TTN: variants seen among roughly 807,000 people sequenced by gnomAD.
The protein encoded by TTN is titin.
In TTN, 1,525 loss-of-function variants were observed where a neutral mutation model predicts 3,223.0. The ratio of observed to expected loss-of-function variants is 0.47; its 90% CI spans 0.45 to 0.49. TTN has a LOEUF of 0.49. TTN is among the 20% of genes least tolerant of loss of function. The pLI is 0.00. For synonymous variants in TTN, 14,094 were observed against 15,161.0 expected, an observed-to-expected ratio of 0.93 and a Z score of 5.17; for missense variants, 40,786 against 43,424.0, an observed-to-expected ratio of 0.94 and a Z score of 5.40.
chr2:178,744,236 A>T (rs1274052171), intron 47 of TTN, among the ~76,000 whole-genome samples: 1 of 151,934 alleles, frequency 6.6e-6, no homozygotes, highest in Non-Finnish European at 1.5e-5. Flanking sequence ...TAAGAGGTGG[A>T]GGGAGATAAA....
At chr2:178,701,730 G>A in intron 109 of TTN, 143 bp from the exon 110 acceptor site, 4 of 840,742 alleles carry the variant, frequency 4.8e-6, no homozygotes, top group South Asian at 2.0e-5. Flanking sequence ...AATAATATTA[G>A]TATTCTTTTG....
chr2:178,664,012 T>TA lies in TTN; in HGVS notation c.36364+2dup. 1 of 1,613,292 alleles carries TA rather than the reference T, an allele frequency of 6.2e-7. No individual in the cohort carries two copies. Among genetic ancestry groups the TA allele is most frequent in the East Asian group, 2.2e-5 (1 of 44,874 alleles). On this transcript the variant is annotated splice_region_variant and intron_variant, in intron 169 of 362. Coordinates refer to ENST00000589042, the MANE Select transcript of TTN (RefSeq NM_001267550.2). ...TCTGAAGCCTAAAGTCAGTGACAAATACCTTTAACAGGTGGGACTTCAGGC... is the reference window on the plus strand; with the variant it reads ...TCTGAAGCCTAAAGTCAGTGACAAATAACCTTTAACAGGTGGGACTTCAGGC...
Position 178,758,929 on chromosome 2 carries a change from A to G in TTN, c.10303+55T>C, listed in dbSNP as rs901675363. ...GAACTCTTGAGTAATTGTTACAGAC[A>G]TTGTTAAGATTCGATCTATATTTAA... is the stretch of plus-strand genomic sequence containing the variant. On this transcript the variant is annotated intron_variant, in intron 44 of 362. Transcript: ENST00000589042. 2.0e-6 allele frequency: 3 copies of G among 1,507,248 alleles called. No homozygotes were observed. The African/African-American group carries it at 4.1e-5, about 21-fold the overall frequency. The allele number at this position is 1,507,248 out of a possible 1,614,324, so 93.4% of individuals were successfully genotyped here.
At position 178,583,830 on chromosome 2, in the gene TTN, A is replaced by G; in HGVS notation, c.65352T>C (p.Asp21784=). 1.9e-6 allele frequency: 3 copies of G among 1,609,882 alleles called. No individual in the cohort carries two copies. The highest frequency in any genetic ancestry group is 4.5e-5 in the East Asian group (2 of 44,484). The change falls in exon 312 of 363, where the codon GAT becomes GAC. Residue 21784 remains aspartate, a synonymous_variant. Transcript: ENST00000589042. ...VSLIWARPKH[D]GGSKIIGYFV... is the part of the protein sequence containing the mutation. ...AATAGCCAATAATTTTACTGCCTCCATCATGCTTTGGACGAGCCCAGATCA... is the reference window on the plus strand; with the variant it reads ...AATAGCCAATAATTTTACTGCCTCCGTCATGCTTTGGACGAGCCCAGATCA...
rs794729273 is a variant in TTN, at chr2:178,607,247, C to T, written c.53355G>A (p.Trp17785Ter). ...TTCCTCCATCATCTTCTGGATCAGA[C>T]CAGTTAAGTAGACACATTTTTCTGT... ...VTNRKMCLLN[W>*]SDPEDDGGSE... The change falls in exon 278 of 363, where the codon TGG becomes TGA. Residue 17785 changes from tryptophan to a stop codon, truncating the protein, a stop_gained. Coordinates refer to ENST00000589042, the MANE Select transcript of TTN (RefSeq NM_001267550.2). LOFTEE classifies it high-confidence loss of function. The T allele has an allele frequency of 2.5e-6, 4 of 1,612,896 alleles. No homozygotes were observed. Among genetic ancestry groups the T allele is most frequent in the Middle Eastern group, 1.7e-4 (1 of 6,052 alleles).
At chr2:178,586,961 C>T in intron 307 of TTN, 154 bp from the exon 308 acceptor site, 1 of 1,360,868 alleles carries the variant, frequency 7.3e-7, no homozygotes, top group South Asian at 1.3e-5. Flanking sequence ...TGAGACAGAT[C>T]AAAAAAGTGT....
chr2:178,751,912 G>A (rs2085641147), intron 47 of TTN: 3 of 1,592,422 alleles, frequency 1.9e-6, no homozygotes, highest in Non-Finnish European at 2.6e-6. Flanking sequence ...CAGGCCAGGA[G>A]CTTGTAGATG....
At position 178,563,364 on chromosome 2, in the gene TTN, C is replaced by G; in HGVS notation, c.82768G>C (p.Ala27590Pro). Reference sequence around the variant, plus strand: ...CCATCATAAATTGGCTTACTCCATGCCAGGGAGACAGAAGATCTGGAAGTG... The same window carrying G: ...CCATCATAAATTGGCTTACTCCATGGCAGGGAGACAGAAGATCTGGAAGTG... ...TDTSRSSVSL[A>P]WSKPIYDGGA... is the part of the protein sequence containing the mutation. Residue 27590 changes from alanine to proline, a missense_variant, in exon 326 of 363, where the codon GCA becomes CCA. Physicochemically the swap from Ala to Pro is conservative, Grantham distance 27 (BLOSUM62 -1). Transcript: ENST00000589042. This position sits in a 1 kb window ranked among gnomAD's most constrained non-coding sequence, Gnocchi z 4.5. 6.2e-7 allele frequency: 1 copy of G among 1,613,554 alleles called. No individual in the cohort carries two copies. The highest frequency in any genetic ancestry group is 8.5e-7 in the Non-Finnish European group (1 of 1,179,708).
chr2:178,542,275 C>T lies in TTN; in HGVS notation c.97481G>A (p.Arg32494His), dbSNP rs371645048. ...GCCTGTGGACTTACGGATGCTGCTGCGACACTCTATGACCTCAGACTGCAA... is the reference window on the plus strand; with the variant it reads ...GCCTGTGGACTTACGGATGCTGCTGTGACACTCTATGACCTCAGACTGCAA... ...SYLQSEVIEC[R>H]SSIRIPGPPE... Residue 32494 changes from arginine (R) to histidine (H), a missense_variant, in exon 349 of 363, where the codon CGC (arginine) becomes CAC (histidine). Physicochemically the swap from Arg to His is conservative, Grantham distance 29. Coordinates refer to ENST00000589042, the MANE Select transcript of TTN (RefSeq NM_001267550.2). 141 of 1,606,606 alleles carry T rather than the reference C, an allele frequency of 8.8e-5. No homozygotes were observed. Among genetic ancestry groups the T allele is most frequent in the Middle Eastern group, 8.3e-4 (5 of 6,050 alleles).
intron 61 of TTN, 35 bp from the exon 62 acceptor site, chr2:178,730,406 G>C: frequency 1.9e-6 from 3 of 1,552,352 alleles, no homozygotes; most frequent in Non-Finnish European, 2.6e-6. Flanking sequence ...AAAGAAAATA[G>C]GAAGTTTTAT....
chr2:178,614,441 C>G, intron 261 of TTN, 25 bp downstream of exon 261: 1 of 1,583,428 alleles, frequency 6.3e-7, no homozygotes, highest in Non-Finnish European at 8.6e-7. Context: ...AGTTTATCCC[C>G]TTTTAAAATG....
intron 47 of TTN, 23 bp from the exon 48 acceptor site, chr2:178,741,944 T>G (rs906202968): frequency 7.3e-7 from 1 of 1,376,418 alleles, no homozygotes; most frequent in Non-Finnish European, 9.4e-7. Context: ...AAATGATTAT[T>G]ATTTTACTAT....
At chr2:178,528,108 G>A in intron 361 of TTN, 166 bp downstream of exon 361, 1 of 761,148 alleles carries the variant, frequency 1.3e-6, no homozygotes, top group East Asian at 2.8e-5. Flanking sequence ...TTTCTGTGTA[G>A]CTATAAAGAA....
rs1366758153 is a variant in TTN, at chr2:178,655,307, A to G, written c.38039-312T>C. Reference sequence around the variant, plus strand: ...CTCAAAATAATAAGAGCTATTTATGACAAACCCACAGCCAGTATCATACTG... The same window carrying G: ...CTCAAAATAATAAGAGCTATTTATGGCAAACCCACAGCCAGTATCATACTG... On this transcript the variant is annotated intron_variant, in intron 189 of 362. Transcript: ENST00000589042. Among the ~76,000 whole-genome samples, 2 of 136,136 alleles carry G rather than the reference A, an allele frequency of 1.5e-5. 1 individual carries two copies. The highest frequency in any genetic ancestry group is 3.0e-5 in the Non-Finnish European group (2 of 66,246). The allele number at this position is 136,136 out of a possible 152,430, so 89.3% of individuals were successfully genotyped here.
At position 178,548,694 on chromosome 2, in the gene TTN, A is replaced by G; in HGVS notation, c.92932T>C (p.Phe30978Leu). 1 of 1,613,894 alleles carries G rather than the reference A, an allele frequency of 6.2e-7. No homozygotes were observed. Among genetic ancestry groups the G allele is most frequent in the Non-Finnish European group, 8.5e-7 (1 of 1,179,802 alleles). ...LRADIHTTDSFSTLTVENCNR... is the reference protein window; with the variant it reads ...LRADIHTTDSLSTLTVENCNR... ...CAGTTTTCCACAGTGAGGGTGCTGA[A>G]GGAATCTGTTGTATGGATATCAGCC... Residue 30978 changes from phenylalanine to leucine, a missense_variant, in exon 339 of 363, where the codon TTC (phenylalanine) becomes CTC (leucine). Phe to Leu is a conservative substitution (Grantham distance 22, BLOSUM62 0). Coordinates refer to ENST00000589042, the MANE Select transcript of TTN (RefSeq NM_001267550.2). The surrounding 1 kb of genome is among the most constrained non-coding windows in gnomAD (Gnocchi z 4.3).
chr2:178,672,662 G>C lies in TTN; in HGVS notation c.34828C>G (p.Gln11610Glu). ...TTGGCTGGGGGTGCCTCTTTTTTCT[G>C]AACAGGAACAGGTACTTTTTCCTCA... Reference protein sequence around the residue: ...IPEEKVPVPVQKKEAPPAKVP... With the variant: ...IPEEKVPVPVEKKEAPPAKVP... Residue 11610 changes from glutamine (Q) to glutamate (E), a missense_variant, in exon 153 of 363, where the codon CAG becomes GAG. Physicochemically the swap from Gln to Glu is conservative, Grantham distance 29 (BLOSUM62 2). Transcript: ENST00000589042. 6.2e-7 allele frequency: 1 copy of C among 1,609,944 alleles called. No homozygotes were observed. Among genetic ancestry groups the C allele is most frequent in the Non-Finnish European group, 8.5e-7 (1 of 1,177,610 alleles).
At chr2:178,693,802 G>T in intron 118 of TTN, 113 bp from the exon 119 acceptor site, 1 of 1,238,144 alleles carries the variant, frequency 8.1e-7, no homozygotes, top group South Asian at 1.5e-5. Context: ...AAATGAAAAA[G>T]ATGACAGAAT....
chr2:178,553,277 T>C lies in TTN; in HGVS notation c.89623A>G (p.Lys29875Glu). The C allele has an allele frequency of 1.2e-6, 2 of 1,611,170 alleles. No individual in the cohort carries two copies. Among genetic ancestry groups the C allele is most frequent in the Non-Finnish European group, 1.7e-6 (2 of 1,179,814 alleles). The change falls in exon 335 of 363, where the codon AAA becomes GAA. Residue 29875 changes from lysine to glutamate, a missense_variant. Lys to Glu is a moderately conservative substitution (Grantham distance 56). Coordinates refer to ENST00000589042, the MANE Select transcript of TTN (RefSeq NM_001267550.2). ...GRPPPTVTWR[K>E]DEKNLGSDAR... ...TCACTGCCAAGATTCTTCTCATCTT[T>C]TCTCCATGTGACAGTAGGTGGAGGT...
At chr2:178,595,486 C>T in intron 295 of TTN, 21 bp downstream of exon 295, 1 of 1,443,806 alleles carries the variant, frequency 6.9e-7, no homozygotes, top group South Asian at 1.2e-5. Flanking sequence ...ATTAAGTATA[C>T]ATTTTTTTTT....
Sources: allele counts gnomAD v4.1 joint callset (sites outside exome capture counted in the v4.1 genomes callset), GRCh38; gene constraint gnomAD v4.1.1; non-coding constraint Gnocchi (gnomAD v3.1); transcripts MANE v1.5; gene names NCBI Gene and HGNC (gene_info 2026-07-23, HGNC 2026-07-21).